Variants in R3HDM2 observed in about 807,000 individuals in gnomAD.
The protein encoded by R3HDM2 is R3H domain-containing protein 2.
R3HDM2 carries 38 observed loss-of-function variants against 124.5 expected under a neutral mutation model. The observed-to-expected ratio is 0.31, with a 90% CI of 0.24 to 0.40. The LOEUF is 0.40. R3HDM2 is among the 10% of genes least tolerant of loss of function. R3HDM2 has a pLI of 1.00. For missense variants in R3HDM2, 869 were observed against 1,236.9 expected, an observed-to-expected ratio of 0.70 and a Z score of 4.46; for synonymous variants, 391 against 448.0, an observed-to-expected ratio of 0.87 and a Z score of 1.61.
At chr12:57,335,023 T>C (rs1158093772) in intron 2 of R3HDM2, among the ~76,000 whole-genome samples, 1 of 150,224 alleles carries the variant, frequency 6.7e-6, no homozygotes. Context: ...CTCTGTGTAG[T>C]CCCAGCTACT....
At chr12:57,339,143 G>A (rs1271286181) in intron 2 of R3HDM2, among the ~76,000 whole-genome samples, 2 of 151,806 alleles carry the variant, frequency 1.3e-5, no homozygotes, top group Admixed American at 6.6e-5. Flanking sequence ...ACAGGTGTTC[G>A]CCACCATACC....
intron 2 of R3HDM2, among the ~76,000 whole-genome samples, chr12:57,354,847 C>T (rs2061082044): frequency 6.6e-6 from 1 of 152,030 alleles, no homozygotes; most frequent in South Asian, 2.1e-4. Flanking sequence ...ATTTTCGAGA[C>T]AGGGTCTTGC....
intron 2 of R3HDM2, among the ~76,000 whole-genome samples, chr12:57,380,224 C>A (rs2064658562): frequency 6.6e-6 from 1 of 152,196 alleles, no homozygotes. Flanking sequence ...ATATCCTATA[C>A]ACCATGACAC....
intron 2 of R3HDM2, among the ~76,000 whole-genome samples, chr12:57,320,253 C>T (rs1418998811): frequency 1.9e-4 from 1 of 5,404 alleles, no homozygotes; most frequent in Non-Finnish European, 1.3e-3. Context: ...AAGAGTGCAA[C>T]TCTATCTCAA....
At chr12:57,291,205 T>C (rs1184872484) in intron 11 of R3HDM2, among the ~76,000 whole-genome samples, 2 of 152,100 alleles carry the variant, frequency 1.3e-5, no homozygotes, top group Non-Finnish European at 2.9e-5. Flanking sequence ...CGCAAGTACA[T>C]ACAGTTGTTC....
intron 2 of R3HDM2, among the ~76,000 whole-genome samples, chr12:57,380,493 A>G (rs1406909628): frequency 6.6e-6 from 1 of 152,230 alleles, no homozygotes; most frequent in Non-Finnish European, 1.5e-5. Flanking sequence ...AACAAGGGGA[A>G]GGTTGCAGAT....
At chr12:57,417,412 C>G (rs2069747555) in intron 1 of R3HDM2, among the ~76,000 whole-genome samples, 1 of 151,576 alleles carries the variant, frequency 6.6e-6, no homozygotes, top group South Asian at 2.1e-4. Flanking sequence ...AGAGAGACTT[C>G]CACATGAAAC....
chr12:57,415,868 CAAAA>C (rs201270445), intron 1 of R3HDM2, among the ~76,000 whole-genome samples: 2 of 151,324 alleles, frequency 1.3e-5, no homozygotes, highest in African/African-American at 4.9e-5. Flanking sequence ...ACATGAAAAA[CAAAA>C]AAAACAGAAG....
At chr12:57,331,113 C>G (rs2058130115) in intron 2 of R3HDM2, among the ~76,000 whole-genome samples, 1 of 152,182 alleles carries the variant, frequency 6.6e-6, no homozygotes, top group Non-Finnish European at 1.5e-5. Flanking sequence ...TGTCATTCCA[C>G]CATCCTCTCT....
chr12:57,258,182 C>T, intron 20 of R3HDM2, 45 bp from the exon 21 acceptor site: 3 of 1,426,116 alleles, frequency 2.1e-6, no homozygotes, highest in Non-Finnish European at 1.9e-6. Flanking sequence ...CAAACATTAC[C>T]CTCTGGATAT....
chr12:57,378,823 G>C (rs1339585480), intron 2 of R3HDM2, among the ~76,000 whole-genome samples: 2 of 152,226 alleles, frequency 1.3e-5, no homozygotes, highest in Non-Finnish European at 2.9e-5. Context: ...CATGGTAGAA[G>C]CAAGTGTTTA....
intron 1 of R3HDM2, among the ~76,000 whole-genome samples, chr12:57,417,229 C>G (rs1427905294): frequency 6.6e-6 from 1 of 151,990 alleles, no homozygotes; most frequent in Non-Finnish European, 1.5e-5. Context: ...CATGGTAAAT[C>G]CCCATCTCTA....
rs1004069080 is a variant in R3HDM2, at chr12:57,428,901, C to T, written c.-106+1819G>A. On this transcript the variant is annotated intron_variant, in intron 1 of 23. Transcript: ENST00000402412. Reference sequence around the variant, plus strand: ...AGCTGAGATTACAGGTGCCTGCCACCACGCCTGGCTACTTTTTGTATTTTT... The same window carrying T: ...AGCTGAGATTACAGGTGCCTGCCACTACGCCTGGCTACTTTTTGTATTTTT... 4.6e-5 allele frequency among the ~76,000 whole-genome samples: 7 copies of T among 151,924 alleles called. No homozygotes were observed. The South Asian group carries it at 1.0e-3, about 23-fold the overall frequency.
At chr12:57,315,253 G>T (rs1265909509) in intron 2 of R3HDM2, among the ~76,000 whole-genome samples, 1 of 152,028 alleles carries the variant, frequency 6.6e-6, no homozygotes, top group Non-Finnish European at 1.5e-5. Flanking sequence ...GGCCAGGCTG[G>T]TCTCCAACTC....
At chr12:57,380,333 G>T (rs975945801) in intron 2 of R3HDM2, among the ~76,000 whole-genome samples, 1 of 152,124 alleles carries the variant, frequency 6.6e-6, no homozygotes, top group African/African-American at 2.4e-5. Context: ...TATTATAGAA[G>T]TAAGTGATTC....
chr12:57,337,147 TG>T (rs146616757), intron 2 of R3HDM2, among the ~76,000 whole-genome samples: 1,739 of 151,852 alleles, frequency 0.011, 30 homozygotes, highest in African/African-American at 0.04. Context: ...TTTTTGTTGT[TG>T]TTGTTGTTGT....
chr12:57,291,018 G>T (rs1444904401), intron 11 of R3HDM2, among the ~76,000 whole-genome samples: 2 of 150,132 alleles, frequency 1.3e-5, no homozygotes, highest in Non-Finnish European at 3.0e-5. Context: ...CCATCCAACT[G>T]GTTTGTAGGT....
intron 2 of R3HDM2, among the ~76,000 whole-genome samples, chr12:57,337,738 A>C (rs186881366): frequency 1.3e-5 from 2 of 152,306 alleles, no homozygotes; most frequent in East Asian, 3.9e-4. Context: ...AAGGACAAGA[A>C]GGTGCATGAA....
intron 2 of R3HDM2, among the ~76,000 whole-genome samples, chr12:57,376,852 G>A (rs946761858): frequency 2.0e-5 from 3 of 151,872 alleles, no homozygotes; most frequent in African/African-American, 7.3e-5. Context: ...TTGGGAGGCT[G>A]AGACAGAAGA....
Sources: allele counts gnomAD v4.1 joint callset (sites outside exome capture counted in the v4.1 genomes callset), GRCh38; gene constraint gnomAD v4.1.1; transcripts MANE v1.5; gene names NCBI Gene and HGNC (gene_info 2026-07-23, HGNC 2026-07-21).